UNC5D: variants seen among roughly 807,000 people sequenced by gnomAD.
UNC5D encodes the protein unc-5 netrin receptor D.
UNC5D carries 39 observed loss-of-function variants against 105.4 expected under a neutral mutation model. The ratio of observed to expected loss-of-function variants is 0.37; its 90% CI spans 0.29 to 0.48. UNC5D has a LOEUF of 0.48. UNC5D is among the 20% of genes least tolerant of loss of function. The pLI is 0.98. For synonymous variants in UNC5D, 452 were observed against 450.4 expected (o/e 1.00, Z -0.04); for missense variants, 991 against 1,202.4 (o/e 0.82, Z 2.60).
At chr8:35,480,683 T>C (rs1044861586) in intron 1 of UNC5D, among the ~76,000 whole-genome samples, 1 of 152,184 alleles carries the variant, frequency 6.6e-6, no homozygotes, top group African/African-American at 2.4e-5. Flanking sequence ...GCTTACATTC[T>C]AGCAAGTATG....
chr8:35,618,181 ACT>A (rs1424544806), intron 4 of UNC5D, among the ~76,000 whole-genome samples: 4 of 152,146 alleles, frequency 2.6e-5, no homozygotes, highest in Admixed American at 1.3e-4. Flanking sequence ...AAGAGCAGTC[ACT>A]CTAGTTCATC....
chr8:35,236,186 C>A (rs1242710393), intron 1 of UNC5D, among the ~76,000 whole-genome samples: 1 of 152,178 alleles, frequency 6.6e-6, no homozygotes, highest in Non-Finnish European at 1.5e-5. Context: ...TGGAGTAGCC[C>A]GGTCTTCACT....
chr8:35,299,627 A>C (rs1807773037), intron 1 of UNC5D, among the ~76,000 whole-genome samples: 1 of 152,252 alleles, frequency 6.6e-6, no homozygotes, highest in Non-Finnish European at 1.5e-5. Context: ...ATACATAACA[A>C]GACCAACTTT....
intron 15 of UNC5D, among the ~76,000 whole-genome samples, chr8:35,768,663 G>C (rs901755350): frequency 1.3e-5 from 2 of 152,180 alleles, no homozygotes; most frequent in Non-Finnish European, 2.9e-5. Flanking sequence ...AGAGGAATGT[G>C]ATAGGTATTT....
chr8:35,353,905 C>G (rs926056797), intron 1 of UNC5D, among the ~76,000 whole-genome samples: 4 of 152,016 alleles, frequency 2.6e-5, no homozygotes, highest in African/African-American at 9.7e-5. Flanking sequence ...TTTGTTGCTT[C>G]CAGGGAAGAG....
At chr8:35,608,729 C>T (rs1820479962) in intron 4 of UNC5D, among the ~76,000 whole-genome samples, 1 of 152,172 alleles carries the variant, frequency 6.6e-6, no homozygotes, top group Non-Finnish European at 1.5e-5. Context: ...TCTCTGGTTC[C>T]ATTCATGTTG....
chr8:35,381,848 C>A (rs918979598), intron 1 of UNC5D, among the ~76,000 whole-genome samples: 4 of 152,154 alleles, frequency 2.6e-5, no homozygotes, highest in Admixed American at 1.3e-4. Context: ...GAGCCGGTGC[C>A]TCCTCTCCTT....
chr8:35,764,844 C>G (rs1225568891), intron 14 of UNC5D, among the ~76,000 whole-genome samples: 1 of 152,198 alleles, frequency 6.6e-6, no homozygotes, highest in Non-Finnish European at 1.5e-5. Context: ...TAGCCCCTTT[C>G]AGGGTTGCCC....
chr8:35,579,726 A>G (rs942568177), intron 3 of UNC5D, among the ~76,000 whole-genome samples: 1 of 152,200 alleles, frequency 6.6e-6, no homozygotes, highest in Non-Finnish European at 1.5e-5. Context: ...AGTGAACAGG[A>G]CAAATTATGG....
chr8:35,377,076 A>G (rs1802743146), intron 1 of UNC5D, among the ~76,000 whole-genome samples: 1 of 152,186 alleles, frequency 6.6e-6, no homozygotes, highest in Non-Finnish European at 1.5e-5. Flanking sequence ...CTTTTTCACA[A>G]GAGCACACCA....
At chr8:35,675,803 C>T (rs1825172059) in intron 4 of UNC5D, among the ~76,000 whole-genome samples, 1 of 151,910 alleles carries the variant, frequency 6.6e-6, no homozygotes. Context: ...AATAACATCA[C>T]TCTCCTTTTC....
At chr8:35,400,004 TG>T (rs1286558766) in intron 1 of UNC5D, among the ~76,000 whole-genome samples, 1 of 152,136 alleles carries the variant, frequency 6.6e-6, no homozygotes, top group Admixed American at 6.5e-5. Context: ...CTTCTGCCTT[TG>T]TATAAGAGTA....
At chr8:35,735,816 A>T (rs546922045) in intron 11 of UNC5D, among the ~76,000 whole-genome samples, 1 of 152,260 alleles carries the variant, frequency 6.6e-6, no homozygotes, top group South Asian at 2.1e-4. Context: ...AATCATACAC[A>T]CGCCTCCTCA....
intron 1 of UNC5D, among the ~76,000 whole-genome samples, chr8:35,268,347 C>T (rs575043378): frequency 2.0e-5 from 3 of 151,978 alleles, no homozygotes; most frequent in Non-Finnish European, 2.9e-5. Flanking sequence ...AATAAGTGCA[C>T]CCAGAAATGT....
chr8:35,535,242 A>C lies in UNC5D; in HGVS notation c.104-14050A>C, dbSNP rs148379057. Among the ~76,000 whole-genome samples the C allele has an allele frequency of 8.2e-3, 1,246 of 152,260 alleles. 7 individuals carry two copies. Among genetic ancestry groups the C allele is most frequent in the Middle Eastern group, 0.034 (10 of 294 alleles). On this transcript the variant is annotated intron_variant, in intron 1 of 16. Transcript: ENST00000404895. ...CTGATTCCTATTCATTTGTACATGG[A>C]GGAAGGGTGCTGAGATAACTAAATA...
At chr8:35,724,236 T>C (rs1828738077) in intron 9 of UNC5D, 2 of 1,530,064 alleles carry the variant, frequency 1.3e-6, no homozygotes, top group African/African-American at 1.4e-5. Context: ...CATTTTGTTT[T>C]ATTTTTATTT....
intron 1 of UNC5D, among the ~76,000 whole-genome samples, chr8:35,539,572 A>G (rs756485294): frequency 3.3e-5 from 5 of 152,216 alleles, no homozygotes; most frequent in Admixed American, 6.5e-5. Context: ...CCTGTGACTT[A>G]GAACTCGTTG....
At chr8:35,324,233 CA>C (rs569409228) in intron 1 of UNC5D, among the ~76,000 whole-genome samples, 194 of 62,790 alleles carry the variant, frequency 3.1e-3, no homozygotes, top group African/African-American at 4.4e-3. Flanking sequence ...ACCCTGTCTC[CA>C]AAAAAAAAAA....
At chr8:35,478,740 T>G (rs1810280124) in intron 1 of UNC5D, among the ~76,000 whole-genome samples, 1 of 152,186 alleles carries the variant, frequency 6.6e-6, no homozygotes. Context: ...CATTAAACAT[T>G]CTATGCTTTT....
Sources: gnomAD v4.1 joint callset for allele counts (sites outside exome capture counted in the v4.1 genomes callset) on GRCh38, gnomAD v4.1.1 for gene constraint, MANE v1.5 for transcripts, NCBI Gene and HGNC (gene_info 2026-07-23, HGNC 2026-07-21) for gene names.